SOX5: variants seen among roughly 807,000 people sequenced by gnomAD.
SOX5 encodes the protein transcription factor SOX-5.
A neutral mutation model predicts 92.0 loss-of-function variants in SOX5; 9 were observed. That is an observed-to-expected ratio of 0.10 (90% CI 0.06 to 0.17). SOX5 has a LOEUF of 0.17. Among genes scored for constraint, SOX5 ranks in the 10% least tolerant of loss-of-function variants. The pLI, the probability that SOX5 is intolerant of heterozygous loss-of-function variation, is 1.00. For synonymous variants in SOX5, 344 were observed against 336.3 expected, an observed-to-expected ratio of 1.02 and a Z score of -0.25; for missense variants, 642 against 944.5, an observed-to-expected ratio of 0.68 and a Z score of 4.20.
At chr12:24,207,249 C>T (rs1277836114) in intron 4 of SOX5, among the ~76,000 whole-genome samples, 1 of 152,166 alleles carries the variant, frequency 6.6e-6, no homozygotes, top group Non-Finnish European at 1.5e-5. Context: ...TTGGAGCTAT[C>T]TCAACCAACT....
intron 1 of SOX5, among the ~76,000 whole-genome samples, chr12:24,556,882 T>C (rs548810900): frequency 6.6e-6 from 1 of 152,290 alleles, no homozygotes; most frequent in South Asian, 2.1e-4. Flanking sequence ...ATTTTTTCTT[T>C]TTAGACTCAA....
At chr12:24,549,148 A>T (rs1952922459) in intron 1 of SOX5, among the ~76,000 whole-genome samples, 1 of 152,162 alleles carries the variant, frequency 6.6e-6, no homozygotes, top group Non-Finnish European at 1.5e-5. Flanking sequence ...TGACATTTTC[A>T]TGTAAGCATC....
At chr12:23,571,358 T>C (rs1301180994) in intron 10 of SOX5, among the ~76,000 whole-genome samples, 1 of 152,136 alleles carries the variant, frequency 6.6e-6, no homozygotes, top group East Asian at 1.9e-4. Context: ...TTAGTTTTCA[T>C]GCGTTAATGC....
intron 1 of SOX5, among the ~76,000 whole-genome samples, chr12:24,529,847 G>A (rs1468066138): frequency 2.0e-5 from 3 of 151,982 alleles, no homozygotes; most frequent in Non-Finnish European, 4.4e-5. Flanking sequence ...GTGAAACCCC[G>A]TCTCTACTAA....
chr12:23,828,033 C>T (rs545881239), intron 3 of SOX5, among the ~76,000 whole-genome samples: 2 of 152,324 alleles, frequency 1.3e-5, no homozygotes, highest in East Asian at 1.9e-4. Context: ...CACATAACAA[C>T]ATGAATGTCA....
At chr12:23,932,400 A>G (rs558470432) in intron 1 of SOX5, among the ~76,000 whole-genome samples, 1 of 151,684 alleles carries the variant, frequency 6.6e-6, no homozygotes, top group African/African-American at 2.4e-5. Context: ...TGAAAAAGAC[A>G]TAAAAAGCAT....
Position 24,287,821 on chromosome 12 carries a change from A to G in SOX5, c.-173-10509T>C, listed in dbSNP as rs184997768. Reference sequence around the variant, plus strand: ...CTGATCCCTCTCTTACAAAGAAAAAACTCAGAAAAATTCTTACGAGACCCC... The same window carrying G: ...CTGATCCCTCTCTTACAAAGAAAAAGCTCAGAAAAATTCTTACGAGACCCC... On this transcript the variant is annotated intron_variant, in intron 2 of 4. Transcript: ENST00000446891. Among the ~76,000 whole-genome samples the G allele has an allele frequency of 1.6e-4, 25 of 151,822 alleles. No homozygotes were observed. The East Asian group carries it at 3.5e-3, about 21-fold the overall frequency.
At chr12:23,977,987 C>A (rs898041254) in intron 4 of SOX5, among the ~76,000 whole-genome samples, 1 of 152,154 alleles carries the variant, frequency 6.6e-6, no homozygotes, top group Non-Finnish European at 1.5e-5. Flanking sequence ...CTTGAAACAA[C>A]CTGTTCACAA....
chr12:24,044,311 G>A (rs571374264), intron 4 of SOX5, among the ~76,000 whole-genome samples: 194 of 152,252 alleles, frequency 1.3e-3, no homozygotes, highest in African/African-American at 4.4e-3. Context: ...CATTTAATAG[G>A]TAAGTGTGAA....
At chr12:23,932,824 T>C (rs1366759148) in intron 1 of SOX5, among the ~76,000 whole-genome samples, 1 of 151,654 alleles carries the variant, frequency 6.6e-6, no homozygotes, top group Non-Finnish European at 1.5e-5. Flanking sequence ...GATCTAAAAG[T>C]ACCTAAATGT....
intron 1 of SOX5, among the ~76,000 whole-genome samples, chr12:23,903,315 G>A (rs1401244434): frequency 6.6e-6 from 1 of 152,136 alleles, no homozygotes; most frequent in Admixed American, 6.5e-5. Context: ...GCTTGGTGTG[G>A]TTGCTCACCC....
At position 24,095,128 on chromosome 12, in the gene SOX5, C is replaced by CACACACAGAG. The variant is rs1345578614; in HGVS notation, c.-2+118214_-2+118215insCTCTGTGTGT. ...ACACACACACACACACACACACACA[C>CACACACAGAG]AGAGAGAGAGAGAGAGAGAGAGAGA... On this transcript the variant is annotated intron_variant, in intron 4 of 4. Transcript: ENST00000446891. Among the ~76,000 whole-genome samples the CACACACAGAG allele has an allele frequency of 1.3e-4, 12 of 90,232 alleles. 1 individual carries two copies. Among genetic ancestry groups the CACACACAGAG allele is most frequent in the South Asian group, 8.9e-4 (2 of 2,240 alleles). 59.2% of individuals were successfully genotyped at this position (90,232 alleles called of 152,430 possible).
At chr12:23,585,884 C>T (rs934146948) in intron 9 of SOX5, among the ~76,000 whole-genome samples, 2 of 152,062 alleles carry the variant, frequency 1.3e-5, no homozygotes, top group African/African-American at 4.8e-5. Context: ...GTCATGGCAA[C>T]GGCCAGGTAA....
At chr12:23,537,999 T>C (rs1940981979) in intron 13 of SOX5, among the ~76,000 whole-genome samples, 1 of 152,222 alleles carries the variant, frequency 6.6e-6, no homozygotes, top group East Asian at 1.9e-4. Context: ...AGTGTGTTTA[T>C]CTGCAAATAG....
intron 7 of SOX5, among the ~76,000 whole-genome samples, chr12:23,646,457 G>A (rs748104978): frequency 5.9e-5 from 9 of 152,166 alleles, no homozygotes; most frequent in African/African-American, 9.6e-5. Context: ...ATGAGCCACC[G>A]CGCCTGGTGG....
At chr12:23,620,748 C>G (rs1299635015) in intron 8 of SOX5, among the ~76,000 whole-genome samples, 1 of 152,052 alleles carries the variant, frequency 6.6e-6, no homozygotes, top group Non-Finnish European at 1.5e-5. Flanking sequence ...TTTTTGATCA[C>G]AATAGGCTTC....
intron 3 of SOX5, among the ~76,000 whole-genome samples, chr12:23,818,414 A>G (rs1044265551): frequency 6.6e-6 from 1 of 152,182 alleles, no homozygotes; most frequent in Non-Finnish European, 1.5e-5. Context: ...GAGGTATGAA[A>G]GATAAAAAGT....
chr12:23,566,385 G>T (rs1386951425), intron 10 of SOX5, among the ~76,000 whole-genome samples: 1 of 152,120 alleles, frequency 6.6e-6, no homozygotes, highest in East Asian at 1.9e-4. Context: ...TTGGTCTCTA[G>T]TTGTCGAATA....
intron 6 of SOX5, among the ~76,000 whole-genome samples, chr12:23,715,215 C>T (rs1342518877): frequency 5.3e-5 from 8 of 151,868 alleles, no homozygotes; most frequent in African/African-American, 1.9e-4. Flanking sequence ...AGGAGAATGG[C>T]GTGAACCCAG....
Sources: gnomAD v4.1 joint callset for allele counts (sites outside exome capture counted in the v4.1 genomes callset) on GRCh38, gnomAD v4.1.1 for gene constraint, MANE v1.5 for transcripts, NCBI Gene and HGNC (gene_info 2026-07-23, HGNC 2026-07-21) for gene names.